The following SHOC2 variants were observed in gnomAD, a reference collection of about 807,000 sequenced individuals.
The protein encoded by SHOC2 is leucine-rich repeat protein SHOC-2.
SHOC2 carries 4 observed loss-of-function variants against 50.2 expected under a neutral mutation model. The observed-to-expected ratio is 0.08, with a 90% CI of 0.04 to 0.18. The LOEUF (loss-of-function observed/expected upper bound fraction) is 0.18, where lower values mean the gene tolerates loss of function less well. Among genes scored for constraint, SHOC2 ranks in the 10% least tolerant of loss-of-function variants. SHOC2 has a pLI of 1.00. For synonymous variants in SHOC2, 218 were observed against 244.5 expected (o/e 0.89, Z 1.01); for missense variants, 388 against 669.6 (o/e 0.58, Z 4.64).
At chr10:110,975,643 A>G (rs530596366) in intron 2 of SHOC2, among the ~76,000 whole-genome samples, 1 of 152,062 alleles carries the variant, frequency 6.6e-6, no homozygotes, top group African/African-American at 2.4e-5. Flanking sequence ...TTTTTTGTCA[A>G]GGATGCCACA....
chr10:110,940,872 T>C (rs1847124376), intron 1 of SHOC2, among the ~76,000 whole-genome samples: 1 of 151,494 alleles, frequency 6.6e-6, no homozygotes, highest in African/African-American at 2.4e-5. Context: ...CACATTTGTC[T>C]TTCTTGAGGA....
At chr10:110,948,854 T>C (rs1172723352) in intron 1 of SHOC2, among the ~76,000 whole-genome samples, 1 of 152,214 alleles carries the variant, frequency 6.6e-6, no homozygotes, top group East Asian at 1.9e-4. Context: ...GTGGGCCACA[T>C]GCAGCCCAGG....
intron 2 of SHOC2, among the ~76,000 whole-genome samples, chr10:110,980,109 C>T (rs1847946821): frequency 6.6e-6 from 1 of 151,656 alleles, no homozygotes; most frequent in Non-Finnish European, 1.5e-5. Flanking sequence ...AAGAACCAGG[C>T]CTTCACCATC....
intron 2 of SHOC2, among the ~76,000 whole-genome samples, chr10:110,982,283 C>T (rs1051017118): frequency 4.6e-5 from 7 of 150,912 alleles, no homozygotes; most frequent in African/African-American, 1.7e-4. Context: ...GGTTCCAAGT[C>T]TTTGCTATTG....
chr10:110,968,142 T>C (rs1847713235), intron 2 of SHOC2, among the ~76,000 whole-genome samples: 1 of 152,210 alleles, frequency 6.6e-6, no homozygotes, highest in Non-Finnish European at 1.5e-5. Context: ...TTATCCGTCT[T>C]TTCTTATTAT....
chr10:110,936,903 G>A (rs763405141), intron 1 of SHOC2: 5 of 1,377,970 alleles, frequency 3.6e-6, no homozygotes, highest in Non-Finnish European at 3.1e-6. Context: ...TTGTCGTAAG[G>A]CGGTGGGATG....
At chr10:110,961,444 C>G (rs1248633444) in intron 1 of SHOC2, among the ~76,000 whole-genome samples, 2 of 152,132 alleles carry the variant, frequency 1.3e-5, no homozygotes, top group Non-Finnish European at 2.9e-5. Context: ...TGTTAGTTCT[C>G]TTGGCCAAAA....
intron 1 of SHOC2, chr10:110,937,315 C>A: frequency 1.5e-6 from 1 of 674,260 alleles, no homozygotes; most frequent in Non-Finnish European, 2.7e-6. Context: ...CAAATGAGGT[C>A]TGTGAAAGCT....
At chr10:110,922,967 T>C (rs574587510) in intron 1 of SHOC2, among the ~76,000 whole-genome samples, 1 of 152,220 alleles carries the variant, frequency 6.6e-6, no homozygotes, top group African/African-American at 2.4e-5. Flanking sequence ...TTGGTATTTT[T>C]GCTTGTTGGT....
Position 110,964,735 on chromosome 10 carries a change from C to T in SHOC2, c.377C>T (p.Thr126Ile), listed in dbSNP as rs138375593. ...TCAATCAAAGAGTTGACTCAATTAACAGAACTTTATTTATACAGTAACAAA... is the reference window on the plus strand; with the variant it reads ...TCAATCAAAGAGTTGACTCAATTAATAGAACTTTATTTATACAGTAACAAA... The part of the protein sequence containing the change: ...PSSIKELTQL[T>I]ELYLYSNKLQ... The change falls in exon 2 of 9, where the codon ACA (threonine) becomes ATA (isoleucine). Residue 126 changes from threonine to isoleucine, a missense_variant. Coordinates refer to ENST00000369452, the MANE Select transcript of SHOC2 (RefSeq NM_007373.4). This position sits in a 1 kb window ranked among gnomAD's most constrained non-coding sequence, Gnocchi z 4.9. 28 of 1,613,964 alleles carry T rather than the reference C, an allele frequency of 1.7e-5. No homozygotes were observed. The African/African-American group carries it at 3.5e-4, about 20-fold the overall frequency.
intron 3 of SHOC2, among the ~76,000 whole-genome samples, chr10:110,993,836 C>T (rs1186619903): frequency 6.6e-6 from 1 of 152,028 alleles, no homozygotes; most frequent in Non-Finnish European, 1.5e-5. Flanking sequence ...ACCTTTGTTA[C>T]CACAGAAAGT....
At chr10:110,972,484 A>G (rs886891149) in intron 2 of SHOC2, among the ~76,000 whole-genome samples, 1 of 152,242 alleles carries the variant, frequency 6.6e-6, no homozygotes, top group Admixed American at 6.5e-5. Flanking sequence ...TTAGAAACCT[A>G]CAAATGAACT....
At chr10:111,009,072 CTA>C (rs1412413470) in intron 6 of SHOC2, among the ~76,000 whole-genome samples, 174 bp from the exon 7 acceptor site, 1 of 151,886 alleles carries the variant, frequency 6.6e-6, no homozygotes, top group Non-Finnish European at 1.5e-5. Context: ...TTTCTAATAA[CTA>C]TGGTGTTTTT....
At chr10:110,933,039 AAGT>A (rs1470165286) in intron 1 of SHOC2, among the ~76,000 whole-genome samples, 3 of 152,290 alleles carry the variant, frequency 2.0e-5, no homozygotes, top group East Asian at 3.9e-4. Flanking sequence ...TTCTGGCTGG[AAGT>A]AGTAGATATA....
At chr10:110,996,354 T>G (rs1848267555) in intron 3 of SHOC2, among the ~76,000 whole-genome samples, 2 of 152,008 alleles carry the variant, frequency 1.3e-5, no homozygotes, top group Admixed American at 6.5e-5. Context: ...ATGGCGAAAC[T>G]CTATCTCTAC....
chr10:110,927,743 G>T (rs1335439343), intron 1 of SHOC2, among the ~76,000 whole-genome samples: 1 of 152,190 alleles, frequency 6.6e-6, no homozygotes, highest in African/African-American at 2.4e-5. Flanking sequence ...ATGTGAGATT[G>T]TGTCAGGCTT....
intron 1 of SHOC2, among the ~76,000 whole-genome samples, chr10:110,921,679 A>G (rs1846654641): frequency 6.6e-6 from 1 of 152,160 alleles, no homozygotes; most frequent in Non-Finnish European, 1.5e-5. Context: ...TTGTGATACA[A>G]ATATCCAATT....
intron 2 of SHOC2, among the ~76,000 whole-genome samples, chr10:110,967,462 A>C (rs898985508): frequency 6.6e-6 from 1 of 152,242 alleles, no homozygotes. Context: ...TGGGTTTAAC[A>C]GTTTAATTAT....
At chr10:110,998,598 C>T (rs182715296) in intron 3 of SHOC2, among the ~76,000 whole-genome samples, 1 of 152,272 alleles carries the variant, frequency 6.6e-6, no homozygotes, top group Non-Finnish European at 1.5e-5. Context: ...ACTCTTGGCC[C>T]AGTTTCCAAA....
Sources: allele counts gnomAD v4.1 joint callset (sites outside exome capture counted in the v4.1 genomes callset), GRCh38; gene constraint gnomAD v4.1.1; non-coding constraint Gnocchi (gnomAD v3.1); transcripts MANE v1.5; gene names NCBI Gene and HGNC (gene_info 2026-07-23, HGNC 2026-07-21).